Variants in GPHN observed in about 807,000 individuals in gnomAD.
GPHN encodes the protein gephyrin.
Under a neutral mutation model 95.5 loss-of-function variants are expected in GPHN, and 17 were observed. That is an observed-to-expected ratio of 0.18 (90% CI 0.12 to 0.27). The LOEUF is 0.27. GPHN is among the 10% of genes least tolerant of loss of function. GPHN has a pLI of 1.00. For synonymous variants in GPHN, 320 were observed against 322.5 expected, an observed-to-expected ratio of 0.99 and a Z score of 0.08; for missense variants, 660 against 978.1, an observed-to-expected ratio of 0.67 and a Z score of 4.34.
the GPHN span, among the ~76,000 whole-genome samples, chr14:67,210,383 TGAAA>T: frequency 5.9e-5 from 9 of 151,710 alleles, no homozygotes; most frequent in South Asian, 1.9e-3. Context: ...CCCAGGAGTT[TGAAA>T]CCCACCTGGA....
intron 1 of GPHN, among the ~76,000 whole-genome samples, chr14:66,565,759 A>T (rs1188624948): frequency 2.0e-5 from 3 of 152,188 alleles, no homozygotes; most frequent in Non-Finnish European, 2.9e-5. Context: ...GTAGCAAAGG[A>T]TATTATGTAA....
intron 5 of GPHN, 72 bp from the exon 6 acceptor site, chr14:66,915,931 A>T: frequency 1.2e-6 from 1 of 846,964 alleles, no homozygotes; most frequent in Non-Finnish European, 2.1e-6. Flanking sequence ...AATGATTGTT[A>T]TTTGTTCTTA....
At chr14:66,919,472 T>C (rs2066088714) in intron 6 of GPHN, among the ~76,000 whole-genome samples, 1 of 152,016 alleles carries the variant, frequency 6.6e-6, no homozygotes, top group African/African-American at 2.4e-5. Flanking sequence ...GGGCTCAATC[T>C]CCTGCAGTTC....
chr14:67,656,785 G>A, the GPHN span, among the ~76,000 whole-genome samples: 1 of 152,058 alleles, frequency 6.6e-6, no homozygotes, highest in South Asian at 2.1e-4. Context: ...CAATCAATAG[G>A]ATCACAATAC....
the GPHN span, among the ~76,000 whole-genome samples, chr14:67,499,085 C>T: frequency 6.6e-6 from 1 of 152,230 alleles, no homozygotes; most frequent in Non-Finnish European, 1.5e-5. Flanking sequence ...TCACCATAAA[C>T]TCAAACTCCT....
At chr14:67,397,695 G>T in the GPHN span, 1 of 1,613,356 alleles carries the variant, frequency 6.2e-7, no homozygotes, top group Non-Finnish European at 8.5e-7. Context: ...AGGGGCAGGT[G>T]ATGGTGCAGC....
the GPHN span, chr14:67,359,518 C>G: frequency 1.1e-6 from 1 of 923,898 alleles, no homozygotes; most frequent in South Asian, 1.6e-5. Context: ...GAAGCCTCGC[C>G]CTAGACTCAA....
the GPHN span, chr14:67,576,591 C>T: frequency 2.9e-6 from 2 of 683,482 alleles, no homozygotes; most frequent in Non-Finnish European, 5.2e-6. This position sits in a 1 kb window ranked among gnomAD's most constrained non-coding sequence, Gnocchi z 4.0. Flanking sequence ...CAGTGTTGTA[C>T]CCTGAAGCTG....
the GPHN span, chr14:67,573,277 A>C: frequency 1.2e-6 from 2 of 1,600,372 alleles, no homozygotes; most frequent in South Asian, 2.2e-5. This position sits in a 1 kb window ranked among gnomAD's most constrained non-coding sequence, Gnocchi z 4.8. Context: ...ACCCCTCAGG[A>C]GTCACTGGAG....
intron 16 of GPHN, among the ~76,000 whole-genome samples, chr14:67,120,125 C>CAA (rs1393148851): frequency 0.021 from 1,570 of 76,172 alleles, 15 homozygotes; most frequent in Middle Eastern, 0.038. Flanking sequence ...GACTCCATCT[C>CAA]AAAAAAAAAA....
intron 4 of GPHN, among the ~76,000 whole-genome samples, chr14:66,859,403 A>T (rs1474806093): frequency 2.6e-5 from 4 of 152,228 alleles, no homozygotes; most frequent in Non-Finnish European, 5.9e-5. Flanking sequence ...TTTAACCAAG[A>T]CCACCAAAGT....
chr14:66,972,879 C>T (rs1002871820), intron 9 of GPHN, among the ~76,000 whole-genome samples: 5 of 152,064 alleles, frequency 3.3e-5, no homozygotes, highest in African/African-American at 1.2e-4. Flanking sequence ...CTACTTGGAT[C>T]TACTGCCTTA....
chr14:66,631,258 G>T (rs1566732914), intron 1 of GPHN, among the ~76,000 whole-genome samples: 2 of 151,326 alleles, frequency 1.3e-5, no homozygotes, highest in African/African-American at 2.4e-5. Flanking sequence ...CATGTTGGTC[G>T]GGCTGGTCTT....
chr14:67,330,423 A>G, the GPHN span, among the ~76,000 whole-genome samples: 1 of 144,182 alleles, frequency 6.9e-6, no homozygotes, highest in Non-Finnish European at 1.5e-5. Context: ...TTTTGTTACC[A>G]TTTTGTTAGA....
chr14:67,410,431 G>T, the GPHN span, among the ~76,000 whole-genome samples: 1 of 152,056 alleles, frequency 6.6e-6, no homozygotes, highest in Non-Finnish European at 1.5e-5. Context: ...GTGAGATTAG[G>T]AGCTCCCCAT....
chr14:66,839,618 CTTA>C (rs768895169), intron 4 of GPHN, among the ~76,000 whole-genome samples: 2 of 152,188 alleles, frequency 1.3e-5, no homozygotes, highest in Admixed American at 6.5e-5. Flanking sequence ...ATAATGGAGT[CTTA>C]TTATAATGTG....
At chr14:66,956,840 C>A (rs1253591924) in intron 8 of GPHN, among the ~76,000 whole-genome samples, 2 of 151,468 alleles carry the variant, frequency 1.3e-5, no homozygotes, top group Admixed American at 1.3e-4. Flanking sequence ...TGGAAATCAT[C>A]ATTCTCAGTA....
At chr14:67,673,830 A>T in the GPHN span, among the ~76,000 whole-genome samples, 1 of 152,340 alleles carries the variant, frequency 6.6e-6, no homozygotes, top group African/African-American at 2.4e-5. Flanking sequence ...ATTAAGGGGT[A>T]GTAAACAGTC....
the GPHN span, chr14:67,572,306 T>G: frequency 6.4e-7 from 1 of 1,553,560 alleles, no homozygotes; most frequent in East Asian, 2.4e-5. Flanking sequence ...GGGGGCAGGG[T>G]GGAAGCAGAA....
Sources: gnomAD v4.1 joint callset for allele counts (sites outside exome capture counted in the v4.1 genomes callset) on GRCh38, gnomAD v4.1.1 for gene constraint, Gnocchi (gnomAD v3.1) non-coding constraint, MANE v1.5 for transcripts, NCBI Gene and HGNC (gene_info 2026-07-23, HGNC 2026-07-21) for gene names.